The following SPATA13 variants were observed in gnomAD, a reference collection of about 807,000 sequenced individuals.
SPATA13 encodes the protein spermatogenesis associated 13.
A neutral mutation model predicts 104.0 loss-of-function variants in SPATA13; 50 were observed. The ratio of observed to expected loss-of-function variants is 0.48; its 90% CI spans 0.38 to 0.61. The LOEUF (loss-of-function observed/expected upper bound fraction) is 0.61. Among genes scored for constraint, SPATA13 ranks in the 20% least tolerant of loss-of-function variants. The pLI, the probability that SPATA13 is intolerant of heterozygous loss-of-function variation, is 0.00. For missense variants in SPATA13, 1,524 were observed against 1,690.6 expected (o/e 0.90, Z 1.73); for synonymous variants, 606 against 667.5 (o/e 0.91, Z 1.42).
Position 24,289,368 on chromosome 13 carries a change from A to C in SPATA13, c.2847+190A>C, listed in dbSNP as rs550243477. Among the ~76,000 whole-genome samples, 23 of 152,326 alleles carry C rather than the reference A, an allele frequency of 1.5e-4. 1 individual carries two copies. The South Asian group carries it at 4.1e-3, about 27-fold the overall frequency. On this transcript the variant is annotated intron_variant, in intron 8 of 12. Coordinates refer to ENST00000382108, the MANE Select transcript of SPATA13 (RefSeq NM_001166271.3). ...AATCTGTATAGTTAATCTTGTCTAA[A>C]TGTCCCAAATTCATTTTTTCAAAAT... is the stretch of plus-strand genomic sequence containing the variant.
chr13:24,297,277 G>A (rs534292936), intron 10 of SPATA13, 86 bp from the exon 11 acceptor site: 49 of 1,487,200 alleles, frequency 3.3e-5, no homozygotes, highest in African/African-American at 7.0e-5. Flanking sequence ...TGGCCTCAAC[G>A]ATCCTCCCAC....
chr13:24,247,908 C>T (rs540420823), intron 2 of SPATA13, among the ~76,000 whole-genome samples: 1 of 151,958 alleles, frequency 6.6e-6, no homozygotes, highest in East Asian at 1.9e-4. Context: ...CCTCTACCAG[C>T]CACCATTTTG....
chr13:24,252,028 G>A (rs1358687495), intron 4 of SPATA13, among the ~76,000 whole-genome samples, 166 bp downstream of exon 4: 2 of 152,216 alleles, frequency 1.3e-5, no homozygotes, highest in African/African-American at 4.8e-5. Flanking sequence ...ATCATTTGCT[G>A]TCTGGGGTAG....
chr13:23,988,217 G>T (rs1366133231), intron 2 of SPATA13, among the ~76,000 whole-genome samples: 1 of 152,200 alleles, frequency 6.6e-6, no homozygotes, highest in Non-Finnish European at 1.5e-5. Flanking sequence ...GAAGTGCTGG[G>T]ATTACAGGCG....
intron 3 of SPATA13, among the ~76,000 whole-genome samples, chr13:24,092,569 A>G (rs949823545): frequency 1.1e-4 from 16 of 152,348 alleles, no homozygotes; most frequent in African/African-American, 3.8e-4. Flanking sequence ...GAAACCTAAG[A>G]GTACTCAAAG....
At chr13:24,214,032 G>A (rs938821989) in intron 1 of SPATA13, among the ~76,000 whole-genome samples, 3 of 152,198 alleles carry the variant, frequency 2.0e-5, no homozygotes, top group Non-Finnish European at 4.4e-5. Flanking sequence ...GCATCCTTTG[G>A]GAAAAGCGAT....
At chr13:24,080,191 A>C (rs755487005) in intron 3 of SPATA13, among the ~76,000 whole-genome samples, 1 of 152,244 alleles carries the variant, frequency 6.6e-6, no homozygotes, top group Non-Finnish European at 1.5e-5. Flanking sequence ...TTGCCATAAA[A>C]GGATTCTTCT....
At chr13:24,291,759 T>G (rs199680840) in intron 9 of SPATA13, among the ~76,000 whole-genome samples, 2 of 147,556 alleles carry the variant, frequency 1.4e-5, no homozygotes, top group Non-Finnish European at 3.0e-5. Flanking sequence ...TTTTTTTATT[T>G]TTTTTTTTGA....
chr13:24,276,107 AC>A (rs1430018250), intron 4 of SPATA13, among the ~76,000 whole-genome samples: 1 of 152,154 alleles, frequency 6.6e-6, no homozygotes, highest in Non-Finnish European at 1.5e-5. Flanking sequence ...AACTAGAACT[AC>A]CATTTGATCA....
rs566738739 is a variant in SPATA13, at chr13:24,282,065, T to C, written c.2165-2070T>C. ...GTTCTAGTGCCAGACTCCTGGGCTC[T>C]ATTTACAGAATTGGTTGCTTGTGAC... On this transcript the variant is annotated intron_variant, in intron 4 of 12. Transcript: ENST00000382108. Among the ~76,000 whole-genome samples the C allele has an allele frequency of 2.6e-5, 4 of 152,244 alleles. No individual in the cohort carries two copies. In the East Asian group the frequency reaches 7.8e-4, roughly 30 times the overall value.
At chr13:24,123,506 T>A in intron 3 of SPATA13, 3 of 1,610,338 alleles carry the variant, frequency 1.9e-6, no homozygotes, top group Non-Finnish European at 2.5e-6. Flanking sequence ...TATGCAGGGC[T>A]CCATCTTTTT....
At chr13:24,005,975 C>T (rs1401295863) in intron 2 of SPATA13, among the ~76,000 whole-genome samples, 1 of 152,218 alleles carries the variant, frequency 6.6e-6, no homozygotes, top group Non-Finnish European at 1.5e-5. Flanking sequence ...CACAATTGCT[C>T]TGTTTGGACC....
At chr13:23,995,348 C>T (rs1429335700) in intron 2 of SPATA13, among the ~76,000 whole-genome samples, 1 of 152,158 alleles carries the variant, frequency 6.6e-6, no homozygotes, top group Non-Finnish European at 1.5e-5. Context: ...TGATGAATCC[C>T]ATTGAACGGG....
chr13:24,083,645 C>G (rs1879618637), intron 3 of SPATA13, among the ~76,000 whole-genome samples: 1 of 152,176 alleles, frequency 6.6e-6, no homozygotes, highest in Non-Finnish European at 1.5e-5. Context: ...TAACATTAAT[C>G]AGAGTGGATT....
In SPATA13 at chr13:24,268,345, C is replaced by T. The variant is rs987621400; in HGVS notation, c.2165-15790C>T. ...AGTAGTCTGCTGTGAAAAACAGTAT[C>T]GAGGAGTCTTTTGAGCCTATAATTT... On this transcript the variant is annotated intron_variant, in intron 4 of 12. Coordinates refer to ENST00000382108, the MANE Select transcript of SPATA13 (RefSeq NM_001166271.3). 5.9e-5 allele frequency among the ~76,000 whole-genome samples: 9 copies of T among 152,140 alleles called. No individual in the cohort carries two copies. In the East Asian group the frequency reaches 9.6e-4, roughly 16 times the overall value.
At chr13:24,136,503 G>GAA (rs1296277577) in intron 3 of SPATA13, among the ~76,000 whole-genome samples, 2 of 131,470 alleles carry the variant, frequency 1.5e-5, no homozygotes, top group Non-Finnish European at 1.7e-5. Flanking sequence ...AAGAAAGAAA[G>GAA]TGAGAGAGAG....
chr13:24,213,266 T>C (rs953845034), intron 1 of SPATA13, among the ~76,000 whole-genome samples: 2 of 152,162 alleles, frequency 1.3e-5, no homozygotes, highest in South Asian at 2.1e-4. Context: ...AAGGGTCTTT[T>C]TTTGTTTGTT....
chr13:24,092,534 G>A (rs1223426633), intron 3 of SPATA13, among the ~76,000 whole-genome samples: 1 of 152,188 alleles, frequency 6.6e-6, no homozygotes, highest in Non-Finnish European at 1.5e-5. Flanking sequence ...CCAATTAAGA[G>A]TAAGAGTTTA....
intron 1 of SPATA13, among the ~76,000 whole-genome samples, chr13:24,172,541 GAGATTT>G (rs1264511876): frequency 2.6e-5 from 4 of 152,358 alleles, no homozygotes; most frequent in Middle Eastern, 3.4e-3. Context: ...TAGCAGGCAT[GAGATTT>G]AGGTCAGTGT....
Sources: allele counts gnomAD v4.1 joint callset (sites outside exome capture counted in the v4.1 genomes callset), GRCh38; gene constraint gnomAD v4.1.1; transcripts MANE v1.5; gene names NCBI Gene and HGNC (gene_info 2026-07-23, HGNC 2026-07-21).